DST: variants seen among roughly 807,000 people sequenced by gnomAD.
The protein encoded by DST is dystonin, also known as bullous pemphigoid antigen.
Under a neutral mutation model 875.2 loss-of-function variants are expected in DST, and 253 were observed. That is an observed-to-expected ratio of 0.29 (90% CI 0.26 to 0.32). The LOEUF is 0.32. DST is among the 10% of genes least tolerant of loss of function. The pLI is 1.00. For synonymous variants in DST, 3,124 were observed against 3,197.1 expected (o/e 0.98, Z 0.77); for missense variants, 8,287 against 9,111.6 (o/e 0.91, Z 3.68).
chr6:56,578,219 A>T (rs762974364), intron 50 of DST, among the ~76,000 whole-genome samples: 97 of 152,264 alleles, frequency 6.4e-4, no homozygotes, highest in Non-Finnish European at 1.1e-3. Flanking sequence ...AAAAAAATTT[A>T]AAAAATTAGC....
chr6:56,701,368 ATGT>A (rs1232068157), intron 8 of DST, among the ~76,000 whole-genome samples: 1 of 152,132 alleles, frequency 6.6e-6, no homozygotes, highest in African/African-American at 2.4e-5. Context: ...ATTGTCAGAA[ATGT>A]TGTTATATCT....
chr6:56,595,765 T>G (rs2098365174), intron 47 of DST, among the ~76,000 whole-genome samples: 1 of 150,556 alleles, frequency 6.6e-6, no homozygotes, highest in African/African-American at 2.5e-5. Context: ...GTATTTGAAA[T>G]ACATTCATAT....
intron 3 of DST, chr6:56,862,939 A>T (rs1772025772): frequency 1.3e-5 from 2 of 152,300 alleles, no homozygotes; most frequent in Non-Finnish European, 2.9e-5. Flanking sequence ...CAGTCAAGTC[A>T]TACAAGGAGA....
chr6:56,616,888 A>G lies in DST; in HGVS notation c.4930-2404T>C, dbSNP rs1434323532. ...GGTCAACAACTCCTTTAAGAACTGC[A>G]TCTTCAACAGAATATGTCTGACCTG... On this transcript the variant is annotated intron_variant, in intron 36 of 103. Coordinates refer to ENST00000680361, the MANE Select transcript of DST (RefSeq NM_001374736.1). The G allele has an allele frequency of 3.7e-6, 6 of 1,613,688 alleles. No individual in the cohort carries two copies. The African/African-American group carries it at 4.0e-5, about 11-fold the overall frequency.
chr6:56,808,767 C>G (rs948931021), intron 4 of DST, among the ~76,000 whole-genome samples: 1 of 152,258 alleles, frequency 6.6e-6, no homozygotes, highest in South Asian at 2.1e-4. Flanking sequence ...ATAAATGAAC[C>G]AGTGAAACTT....
chr6:56,719,192 G>C (rs541752845), intron 5 of DST, among the ~76,000 whole-genome samples: 1 of 152,280 alleles, frequency 6.6e-6, no homozygotes, highest in African/African-American at 2.4e-5. Flanking sequence ...CAGAATGTAA[G>C]ACAGAATGTT....
chr6:56,571,619 T>C (rs2097783125), intron 53 of DST, among the ~76,000 whole-genome samples: 1 of 152,198 alleles, frequency 6.6e-6, no homozygotes, highest in Admixed American at 6.6e-5. Context: ...TTGTTTCTAA[T>C]AGTGTTTTTT....
intron 4 of DST, among the ~76,000 whole-genome samples, chr6:56,821,774 T>C (rs1387356640): frequency 2.0e-5 from 3 of 152,190 alleles, no homozygotes; most frequent in African/African-American, 4.8e-5. Context: ...TAGGAAAATA[T>C]AGAAATCTGA....
At position 56,464,473 on chromosome 6, in the gene DST, T is replaced by TA. The variant is rs1235142519; in HGVS notation, c.22759+211_22759+212insT. 5.3e-6 allele frequency: 3 copies of TA among 571,128 alleles called. No individual in the cohort carries two copies. The East Asian group carries it at 8.7e-5, about 16-fold the overall frequency. The allele number at this position is 571,128 out of a possible 1,614,324, so 35.4% of individuals were successfully genotyped here. Reference sequence around the variant, plus strand: ...ACCCGGTGAGCAACGTGTTAGCATGTGTTTGATCACTTATAACACCTGCAT... The same window carrying TA: ...ACCCGGTGAGCAACGTGTTAGCATGTAGTTTGATCACTTATAACACCTGCAT... On this transcript the variant is annotated intron_variant, in intron 100 of 103. Transcript: ENST00000680361.
chr6:56,576,891 T>C (rs752675479), intron 50 of DST, among the ~76,000 whole-genome samples: 83 of 152,178 alleles, frequency 5.5e-4, no homozygotes, highest in African/African-American at 1.2e-3. Flanking sequence ...AATAAATGTA[T>C]GTTGTTTAAG....
At chr6:56,626,639 T>C (rs1441278997) in intron 34 of DST, among the ~76,000 whole-genome samples, 2 of 152,136 alleles carry the variant, frequency 1.3e-5, no homozygotes, top group Admixed American at 1.3e-4. Flanking sequence ...AGAGCAAAAT[T>C]ACATTTTTAG....
intron 3 of DST, among the ~76,000 whole-genome samples, chr6:56,862,219 G>A (rs922395563): frequency 4.6e-5 from 7 of 152,024 alleles, no homozygotes; most frequent in Admixed American, 1.3e-4. Flanking sequence ...GCCCACCAAC[G>A]GGATCAGCAC....
intron 12 of DST, among the ~76,000 whole-genome samples, chr6:56,650,470 T>C (rs1481985658): frequency 1.3e-5 from 2 of 151,930 alleles, no homozygotes; most frequent in African/African-American, 4.8e-5. Flanking sequence ...CCAAATCCAA[T>C]AATTTTCCTC....
chr6:56,585,108 T>C (rs1254254294), intron 49 of DST, among the ~76,000 whole-genome samples: 3 of 152,238 alleles, frequency 2.0e-5, no homozygotes, highest in African/African-American at 7.2e-5. Flanking sequence ...GCTGGCCTCA[T>C]AAAATGAGTT....
At chr6:56,849,048 A>T (rs973326597) in intron 4 of DST, among the ~76,000 whole-genome samples, 3 of 152,000 alleles carry the variant, frequency 2.0e-5, no homozygotes, top group Non-Finnish European at 4.4e-5. Context: ...CAAAATAAAT[A>T]AATTAATTAA....
Position 56,735,238 on chromosome 6 carries a change from T to G in DST, c.677A>C (p.His226Pro). ...KKTFTKWINQ[H>P]LMKVRKHVND... ...GAAATAAAAACTGACCTTCATGAGA[T>G]GCTGATTTATCCATTTTGTAAATGT... Residue 226 changes from histidine (H) to proline (P), a missense_variant, in exon 5 of 104, where the codon CAT becomes CCT. Physicochemically the swap from His to Pro is moderately conservative, Grantham distance 77. Coordinates refer to ENST00000680361, the MANE Select transcript of DST (RefSeq NM_001374736.1). The G allele has an allele frequency of 6.5e-7, 1 of 1,550,184 alleles. No individual in the cohort carries two copies. Among genetic ancestry groups the G allele is most frequent in the Non-Finnish European group, 8.7e-7 (1 of 1,144,510 alleles).
intron 77 of DST, among the ~76,000 whole-genome samples, chr6:56,505,445 T>C (rs1336745414): frequency 1.4e-5 from 2 of 145,396 alleles, no homozygotes; most frequent in Non-Finnish European, 3.0e-5. Context: ...TTGTCATTGA[T>C]ACCTAATAGA....
chr6:56,508,594 T>C lies in DST; in HGVS notation c.19174A>G (p.Ile6392Val). 2.5e-6 allele frequency: 4 copies of C among 1,613,410 alleles called. No homozygotes were observed. The highest frequency in any genetic ancestry group is 3.4e-6 in the Non-Finnish European group (4 of 1,179,390). Residue 6392 changes from isoleucine to valine, a missense_variant, in exon 75 of 104, where the codon ATC becomes GTC. This residue lies in a region of DST where 1,292 missense variants were observed against 1,552.7 expected (regional missense o/e 0.83). Coordinates refer to ENST00000680361, the MANE Select transcript of DST (RefSeq NM_001374736.1). ...IVTIKDTQDF[I>V]RDLEDPGIDP... ...ATTCCAGGATCTTCCAGGTCCCGGA[T>C]GAAATCTTGAGTATCTTTAATGGTA...
chr6:56,812,920 A>G, intron 4 of DST, among the ~76,000 whole-genome samples: 1 of 151,878 alleles, frequency 6.6e-6, no homozygotes, highest in Non-Finnish European at 1.5e-5. Context: ...TGCTGCTATA[A>G]AGACACATGC....
Sources: gnomAD v4.1 joint callset for allele counts (sites outside exome capture counted in the v4.1 genomes callset) on GRCh38, gnomAD v4.1.1 for gene constraint, gnomAD v4.1.1 regional missense constraint, MANE v1.5 for transcripts, NCBI Gene and HGNC (gene_info 2026-07-23, HGNC 2026-07-21) for gene names.